Variants in AGO1 observed in about 807,000 individuals in gnomAD.
AGO1 encodes the protein protein argonaute-1.
In AGO1, 11 loss-of-function variants were observed where a neutral mutation model predicts 109.2. The ratio of observed to expected loss-of-function variants is 0.10; its 90% CI spans 0.06 to 0.17. The LOEUF is 0.17. Ranked by LOEUF, AGO1 falls within the 10% of genes least tolerant of loss-of-function variation. The probability of loss-of-function intolerance (pLI) is 1.00; values close to 1 mark genes in which losing one functional copy is unlikely to be tolerated. For synonymous variants in AGO1, 422 were observed against 418.6 expected (o/e 1.01, Z -0.10); for missense variants, 574 against 1,140.3 (o/e 0.50, Z 7.15).
chr1:35,919,075 T>C lies in AGO1; in HGVS notation c.2286T>C (p.His762=). 1 of 1,614,136 alleles carries C rather than the reference T, an allele frequency of 6.2e-7. No individual in the cohort carries two copies. Among genetic ancestry groups the C allele is most frequent in the Non-Finnish European group, 8.5e-7 (1 of 1,180,010 alleles). ...AGIQGTSRPS[H]YYVLWDDNRF... ...CCCAGGGCACCAGCCGACCATCCCATTACTATGTTCTTTGGGATGACAACC... is the reference window on the plus strand; with the variant it reads ...CCCAGGGCACCAGCCGACCATCCCACTACTATGTTCTTTGGGATGACAACC... The change falls in exon 18 of 19, where the codon CAT becomes CAC. Residue 762 remains histidine, a synonymous_variant. Transcript: ENST00000373204. The surrounding 1 kb of genome is among the most constrained non-coding windows in gnomAD (Gnocchi z 6.6).
chr1:35,889,687 T>C (rs1157654674), intron 2 of AGO1, among the ~76,000 whole-genome samples: 3 of 151,414 alleles, frequency 2.0e-5, no homozygotes, highest in Non-Finnish European at 2.9e-5. Context: ...AAAATTAGAT[T>C]TTTCTTTCTC....
chr1:35,878,064 T>C (rs1012768969), intron 1 of AGO1, among the ~76,000 whole-genome samples: 9 of 151,352 alleles, frequency 5.9e-5, no homozygotes, highest in African/African-American at 2.2e-4. Flanking sequence ...TTTCACCTGT[T>C]TCCTTTTTAT....
chr1:35,915,900 G>A (rs930401318), intron 15 of AGO1, among the ~76,000 whole-genome samples: 6 of 152,222 alleles, frequency 3.9e-5, no homozygotes, highest in African/African-American at 1.4e-4. Context: ...AGTCTTGGAT[G>A]AGGGCCAAGA....
intron 14 of AGO1, 111 bp from the exon 15 acceptor site, chr1:35,915,237 A>G (rs1645713304): frequency 2.3e-6 from 2 of 870,584 alleles, no homozygotes; most frequent in African/African-American, 3.3e-5. Context: ...CTGAGTCTCA[A>G]GCCCTAGTCA....
Position 35,929,361 on chromosome 1 carries a change from G to T in AGO1, c.*9754G>T, listed in dbSNP as rs772679199. 1 of 152,238 alleles carries T rather than the reference G, an allele frequency of 6.6e-6. No individual in the cohort carries two copies. The highest frequency in any genetic ancestry group is 2.4e-5 in the African/African-American group (1 of 41,452). The allele number at this position is 152,238 out of a possible 1,614,324, so 9.4% of individuals were successfully genotyped here. ...TTACTGAGATGGATTGAATCAGAGG[G>T]TGTAAATTCTGCTCCATCAATGTTG... On this transcript the variant is annotated 3_prime_UTR_variant, in exon 19 of 19. Transcript: ENST00000373204.
rs192840807 is a variant in AGO1, at chr1:35,894,016, A to G, written c.650-21A>G. On this transcript the variant is annotated intron_variant, in intron 5 of 18. Transcript: ENST00000373204. ...TGGAAGACAGAACCTGAGCTGAGCT[A>G]TCTTTACCCTGTCCCCACAGTCTCA... The G allele has an allele frequency of 6.0e-4, 924 of 1,534,398 alleles. 1 individual carries two copies. The highest frequency in any genetic ancestry group is 7.2e-4 in the Non-Finnish European group (823 of 1,142,200).
chr1:35,877,706 T>C (rs1385174324), intron 1 of AGO1, among the ~76,000 whole-genome samples: 1 of 152,180 alleles, frequency 6.6e-6, no homozygotes, highest in East Asian at 1.9e-4. Flanking sequence ...AGTAATTTTT[T>C]TTTTTGAGAA....
chr1:35,872,256 G>A (rs1453959977), intron 1 of AGO1, among the ~76,000 whole-genome samples: 1 of 149,874 alleles, frequency 6.7e-6, no homozygotes, highest in South Asian at 2.1e-4. Context: ...CATGATCTCG[G>A]CTCACTGCAG....
intron 1 of AGO1, chr1:35,873,157 C>T (rs1644966848): frequency 6.6e-6 from 1 of 151,786 alleles, no homozygotes; most frequent in African/African-American, 2.4e-5. Context: ...ATCTCTAGAA[C>T]ACTTTAGCTC....
chr1:35,892,393 C>T (rs1174934733), intron 2 of AGO1, among the ~76,000 whole-genome samples, 164 bp from the exon 3 acceptor site: 3 of 152,254 alleles, frequency 2.0e-5, no homozygotes, highest in African/African-American at 7.2e-5. Context: ...TTAATAAAAT[C>T]TCCAGGTGAT....
intron 8 of AGO1, among the ~76,000 whole-genome samples, chr1:35,898,725 G>A (rs144857027): frequency 1.2e-4 from 18 of 152,302 alleles, no homozygotes; most frequent in Admixed American, 1.2e-3. Context: ...GTGGATTATT[G>A]TTCTAGTTTC....
Position 35,870,727 on chromosome 1 carries a change from T to A in AGO1, c.-201+824T>A, listed in dbSNP as rs866684717. On this transcript the variant is annotated intron_variant, in intron 1 of 18. Coordinates refer to the AGO1 transcript ENST00000373206. ...TTATCTTTTGAGATATTCTGTGTGCTACTTCATAATCCATTCCCATTCTTT... is the reference window on the plus strand; with the variant it reads ...TTATCTTTTGAGATATTCTGTGTGCAACTTCATAATCCATTCCCATTCTTT... Among the ~76,000 whole-genome samples, 32 of 152,376 alleles carry A rather than the reference T, an allele frequency of 2.1e-4. No homozygotes were observed. In the Middle Eastern group the frequency reaches 0.014, roughly 65 times the overall value.
intron 12 of AGO1, among the ~76,000 whole-genome samples, chr1:35,913,073 G>A (rs1234008150): frequency 6.6e-6 from 1 of 150,548 alleles, no homozygotes; most frequent in Non-Finnish European, 1.5e-5. Flanking sequence ...AGGCTGGAGT[G>A]CAGTGGCACA....
Position 35,883,581 on chromosome 1 carries a change from A to G in AGO1, c.25+135A>G. Reference sequence around the variant, plus strand: ...CTCCCACGATGGGGGCCCAGTTTGAAGGAGGCTGTGTGCAGTTCCGGGGGA... The same window carrying G: ...CTCCCACGATGGGGGCCCAGTTTGAGGGAGGCTGTGTGCAGTTCCGGGGGA... On this transcript the variant is annotated intron_variant, in intron 1 of 18. Transcript: ENST00000373204. This position sits in a 1 kb window ranked among gnomAD's most constrained non-coding sequence, Gnocchi z 5.4. 7.5e-7 allele frequency: 1 copy of G among 1,330,044 alleles called. No individual in the cohort carries two copies. Among genetic ancestry groups the G allele is most frequent in the Non-Finnish European group, 9.8e-7 (1 of 1,018,674 alleles). The allele number at this position is 1,330,044 out of a possible 1,614,324, so 82.4% of individuals were successfully genotyped here. A position where few individuals can be genotyped will look rare whatever the true frequency, so the allele number is the denominator to read the frequency against.
intron 1 of AGO1, among the ~76,000 whole-genome samples, chr1:35,877,258 A>G (rs1645000118): frequency 6.6e-6 from 1 of 152,046 alleles, no homozygotes; most frequent in African/African-American, 2.4e-5. Context: ...GTGATGGTAT[A>G]CTTCTCTAGC....
upstream of AGO1, among the ~76,000 whole-genome samples, chr1:35,879,010 G>A (rs1274715371): frequency 6.6e-6 from 1 of 151,954 alleles, no homozygotes; most frequent in African/African-American, 2.4e-5. Flanking sequence ...TATCTAAGTA[G>A]AAGACTCTGG....
At chr1:35,884,018 G>A (rs569721895) in intron 1 of AGO1, among the ~76,000 whole-genome samples, 126 of 152,332 alleles carry the variant, frequency 8.3e-4, no homozygotes, top group Non-Finnish European at 1.6e-3. Flanking sequence ...GAGCATGCGC[G>A]GAGGTGGCAG....
At chr1:35,915,564 G>GA (rs1557622183) in intron 15 of AGO1, 22 bp downstream of exon 15, 2 of 1,607,120 alleles carry the variant, frequency 1.2e-6, no homozygotes, top group Non-Finnish European at 1.7e-6. Flanking sequence ...AGTAGGTGGA[G>GA]AAAACCTTCA....
chr1:35,893,877 C>A lies in AGO1; in HGVS notation c.649+67C>A. On this transcript the variant is annotated intron_variant, in intron 5 of 18. Transcript: ENST00000373204. The surrounding 1 kb of genome is among the most constrained non-coding windows in gnomAD (Gnocchi z 5.6). ...AGTGACCACACTCCCAGCCTCATCCCTCCCAGCTCTGCAACCACACTCCTA... is the reference window on the plus strand; with the variant it reads ...AGTGACCACACTCCCAGCCTCATCCATCCCAGCTCTGCAACCACACTCCTA... 1.3e-6 allele frequency: 2 copies of A among 1,562,970 alleles called. No individual in the cohort carries two copies. The highest frequency in any genetic ancestry group is 1.2e-5 in the South Asian group (1 of 83,644).
Sources: gnomAD v4.1 joint callset for allele counts (sites outside exome capture counted in the v4.1 genomes callset) on GRCh38, gnomAD v4.1.1 for gene constraint, Gnocchi (gnomAD v3.1) non-coding constraint, MANE v1.5 for transcripts, NCBI Gene and HGNC (gene_info 2026-07-23, HGNC 2026-07-21) for gene names.